Variants in DNAH9 observed in about 807,000 individuals in gnomAD.
DNAH9 encodes dynein axonemal heavy chain 9, also known as DNAH9 variant protein.
DNAH9 carries 345 observed loss-of-function variants against 471.6 expected under a neutral mutation model. That is an observed-to-expected ratio of 0.73 (90% CI 0.67 to 0.80). The LOEUF (loss-of-function observed/expected upper bound fraction) is 0.80, where lower values mean the gene tolerates loss of function less well. Among genes scored for constraint, DNAH9 ranks in the 30% least tolerant of loss-of-function variants. DNAH9 has a pLI of 0.00. For missense variants in DNAH9, 5,407 were observed against 5,609.2 expected (o/e 0.96, Z 1.15); for synonymous variants, 2,093 against 2,123.6 (o/e 0.99, Z 0.40).
chr17:11,781,576 G>T (rs1001061697), intron 39 of DNAH9, among the ~76,000 whole-genome samples: 1 of 152,170 alleles, frequency 6.6e-6, no homozygotes, highest in Non-Finnish European at 1.5e-5. Flanking sequence ...GCTCATGCCT[G>T]TAATCCCAGC....
At chr17:11,603,061 A>G (rs995694841) in intron 1 of DNAH9, among the ~76,000 whole-genome samples, 5 of 152,076 alleles carry the variant, frequency 3.3e-5, no homozygotes, top group Non-Finnish European at 4.4e-5. Context: ...CTACCTCACT[A>G]TGTCATACTC....
intron 19 of DNAH9, among the ~76,000 whole-genome samples, chr17:11,687,596 G>A (rs1323590073): frequency 1.3e-5 from 2 of 152,054 alleles, no homozygotes; most frequent in Non-Finnish European, 2.9e-5. Context: ...GGAAACGGCC[G>A]ATTCTCTAGT....
intron 41 of DNAH9, among the ~76,000 whole-genome samples, chr17:11,791,128 T>A (rs1969048721): frequency 6.6e-6 from 1 of 152,186 alleles, no homozygotes; most frequent in African/African-American, 2.4e-5. Flanking sequence ...TTACTTTAGT[T>A]CATATCTGTT....
chr17:11,802,105 C>T (rs148476068), intron 43 of DNAH9, among the ~76,000 whole-genome samples: 36 of 152,314 alleles, frequency 2.4e-4, no homozygotes, highest in Middle Eastern at 6.8e-3. Flanking sequence ...ACATCAACCA[C>T]CCGTTACTTT....
Position 11,838,858 on chromosome 17 carries a change from C to T in DNAH9, c.9507+3960C>T, listed in dbSNP as rs1041335037. Among the ~76,000 whole-genome samples the T allele has an allele frequency of 2.6e-5, 4 of 152,296 alleles. No homozygotes were observed. In the South Asian group the frequency reaches 8.3e-4, roughly 32 times the overall value. ...AAGGACTCCTCGACTGTCTTTAAAC[C>T]CTTCTGCACTCACAGGACTTTGGTA... On this transcript the variant is annotated intron_variant, in intron 49 of 68. Transcript: ENST00000262442.
chr17:11,735,377 A>G (rs551486030), intron 28 of DNAH9, among the ~76,000 whole-genome samples: 3 of 152,214 alleles, frequency 2.0e-5, no homozygotes, highest in Admixed American at 6.5e-5. Flanking sequence ...ACTCATTCCC[A>G]GTTGAGAACA....
chr17:11,874,903 T>C lies in DNAH9; in HGVS notation c.10243-46T>C, dbSNP rs201948771. On this transcript the variant is annotated intron_variant, in intron 52 of 68. Coordinates refer to ENST00000262442, the MANE Select transcript of DNAH9 (RefSeq NM_001372.4). ...TAACTGCATTCATCCCAGCTGAGAA[T>C]GTCTGCTTCTGTTCTGAGCGTGGGG... 6 of 1,397,368 alleles carry C rather than the reference T, an allele frequency of 4.3e-6. No individual in the cohort carries two copies. In the East Asian group the frequency reaches 1.4e-4, roughly 32 times the overall value. 86.6% of individuals were successfully genotyped at this position (1,397,368 alleles called of 1,614,324 possible).
chr17:11,787,925 G>A (rs371247690), intron 41 of DNAH9, among the ~76,000 whole-genome samples: 1 of 152,180 alleles, frequency 6.6e-6, no homozygotes, highest in African/African-American at 2.4e-5. Flanking sequence ...ATGTGGAACT[G>A]TAAGTCCAAT....
At chr17:11,766,507 A>C in intron 36 of DNAH9, among the ~76,000 whole-genome samples, 1 of 152,204 alleles carries the variant, frequency 6.6e-6, no homozygotes. Context: ...TGTGAAAATG[A>C]AGCGAAGTAA....
chr17:11,732,224 G>A (rs1181633220), intron 28 of DNAH9, among the ~76,000 whole-genome samples: 1 of 152,110 alleles, frequency 6.6e-6, no homozygotes, highest in Non-Finnish European at 1.5e-5. Flanking sequence ...GTTTGTTTCT[G>A]GAATCAAATG....
rs34314090 is a variant in DNAH9 at position 11,708,014 on chromosome 17, CAG to C, written c.5552+2870_5552+2871del. ...ACACACACACACACACACACACACA[CAG>C]AGAGAGAGAGAGAGAGAGAGAGAGA... On this transcript the variant is annotated intron_variant, in intron 26 of 68. Transcript: ENST00000262442. 3.5e-3 allele frequency among the ~76,000 whole-genome samples: 181 copies of C among 52,156 alleles called. 4 individuals are homozygous for C. Among genetic ancestry groups the C allele is most frequent in the African/African-American group, 0.01 (141 of 13,822 alleles). 34.2% of individuals were successfully genotyped at this position (52,156 alleles called of 152,430 possible).
intron 48 of DNAH9, among the ~76,000 whole-genome samples, chr17:11,828,246 G>A (rs11658013): frequency 0.58 from 87,821 of 151,676 alleles, 25,558 homozygotes; most frequent in Non-Finnish European, 0.6. Flanking sequence ...GTCCGAGGCG[G>A]GTGGATCACC....
intron 57 of DNAH9, among the ~76,000 whole-genome samples, 197 bp downstream of exon 57, chr17:11,887,162 C>T (rs376174341): frequency 2.0e-5 from 3 of 152,100 alleles, no homozygotes; most frequent in East Asian, 1.9e-4. Flanking sequence ...ACATGACTCA[C>T]GGGTAATTTT....
Position 11,669,368 on chromosome 17 carries a change from A to C in DNAH9, c.2929-2A>C. On this transcript the variant is annotated splice_acceptor_variant, in intron 16 of 68. Coordinates refer to ENST00000262442, the MANE Select transcript of DNAH9 (RefSeq NM_001372.4). LOFTEE classifies it high-confidence loss of function. ...CTGCCTGCCGTTGTCTCGCTTCCCC[A>C]GGTCGACCTGGACGGTATACCAGAT... 1 of 1,607,220 alleles carries C rather than the reference A, an allele frequency of 6.2e-7. No homozygotes were observed. Among genetic ancestry groups the C allele is most frequent in the Non-Finnish European group, 8.5e-7 (1 of 1,175,920 alleles).
At chr17:11,763,325 A>T (rs1967795270) in intron 35 of DNAH9, 115 bp from the exon 36 acceptor site, 10 of 897,040 alleles carry the variant, frequency 1.1e-5, no homozygotes, top group African/African-American at 1.7e-5. Context: ...TGTAATCCCA[A>T]AGAACTTGAC....
At chr17:11,894,974 T>A (rs1460582700) in intron 59 of DNAH9, among the ~76,000 whole-genome samples, 1 of 152,160 alleles carries the variant, frequency 6.6e-6, no homozygotes, top group Non-Finnish European at 1.5e-5. Flanking sequence ...ATCTATTGAG[T>A]GCCTTGGAAA....
intron 64 of DNAH9, among the ~76,000 whole-genome samples, chr17:11,933,222 T>C (rs1172565039): frequency 1.3e-5 from 2 of 152,198 alleles, no homozygotes; most frequent in Non-Finnish European, 2.9e-5. Flanking sequence ...GTCCTCACTT[T>C]TCTCCATTTG....
chr17:11,620,183 C>A (rs370005782), intron 6 of DNAH9, among the ~76,000 whole-genome samples: 11 of 151,596 alleles, frequency 7.3e-5, no homozygotes, highest in East Asian at 3.9e-4. Context: ...CCACTGCACT[C>A]TAGCCTAGGC....
intron 27 of DNAH9, among the ~76,000 whole-genome samples, chr17:11,721,414 C>G (rs1436185583): frequency 6.6e-6 from 1 of 152,042 alleles, no homozygotes; most frequent in Non-Finnish European, 1.5e-5. Context: ...GGAGGTGCTC[C>G]CTTCCTGGAC....
Sources: allele counts gnomAD v4.1 joint callset (sites outside exome capture counted in the v4.1 genomes callset), GRCh38; gene constraint gnomAD v4.1.1; transcripts MANE v1.5; gene names NCBI Gene and HGNC (gene_info 2026-07-23, HGNC 2026-07-21).